The following STARD13 variants were observed in gnomAD, a reference collection of about 807,000 sequenced individuals.
The protein encoded by STARD13 is stAR-related lipid transfer protein 13.
A neutral mutation model predicts 106.4 loss-of-function variants in STARD13; 62 were observed. The ratio of observed to expected loss-of-function variants is 0.58; its 90% CI spans 0.48 to 0.72. STARD13 has a LOEUF of 0.72. Among genes scored for constraint, STARD13 ranks in the 30% least tolerant of loss-of-function variants. The pLI, the probability that STARD13 is intolerant of heterozygous loss-of-function variation, is 0.00. For synonymous variants in STARD13, 565 were observed against 553.0 expected (o/e 1.02, Z -0.31); for missense variants, 1,387 against 1,424.0 (o/e 0.97, Z 0.42).
intron 1 of STARD13, among the ~76,000 whole-genome samples, chr13:33,308,005 T>C (rs1207533565): frequency 6.6e-6 from 1 of 152,200 alleles, no homozygotes; most frequent in African/African-American, 2.4e-5. Context: ...CATTGTTTCA[T>C]TCCATCATTG....
the STARD13 span, among the ~76,000 whole-genome samples, chr13:33,535,131 C>T: frequency 6.6e-6 from 1 of 152,040 alleles, no homozygotes; most frequent in Non-Finnish European, 1.5e-5. Context: ...TGGAAAATCG[C>T]TTGAACCCAG....
At chr13:33,470,763 A>G in the STARD13 span, among the ~76,000 whole-genome samples, 149 of 152,002 alleles carry the variant, frequency 9.8e-4, no homozygotes, top group Middle Eastern at 3.4e-3. Flanking sequence ...CCACTTTTTG[A>G]TGGGGTTGTT....
intron 1 of STARD13, among the ~76,000 whole-genome samples, chr13:33,211,893 CAT>C (rs1422857419): frequency 1.3e-5 from 2 of 151,882 alleles, no homozygotes; most frequent in Non-Finnish European, 2.9e-5. Context: ...AAAATATACA[CAT>C]ATGTCTATAC....
the STARD13 span, among the ~76,000 whole-genome samples, chr13:33,519,234 T>C: frequency 6.8e-4 from 102 of 150,658 alleles, 1 homozygote; most frequent in East Asian, 4.7e-3. Flanking sequence ...CTTTCTTTCT[T>C]TCTTTCTTTC....
At chr13:33,180,050 G>T (rs1181769283) in intron 1 of STARD13, among the ~76,000 whole-genome samples, 1 of 152,204 alleles carries the variant, frequency 6.6e-6, no homozygotes, top group African/African-American at 2.4e-5. Context: ...TATCTAACAT[G>T]CAATTCATTT....
At chr13:33,536,276 T>G in the STARD13 span, among the ~76,000 whole-genome samples, 1 of 152,208 alleles carries the variant, frequency 6.6e-6, no homozygotes, top group Non-Finnish European at 1.5e-5. Flanking sequence ...AGCCAGGAAT[T>G]TATGAAATTT....
At chr13:33,471,514 A>G in the STARD13 span, among the ~76,000 whole-genome samples, 1 of 152,178 alleles carries the variant, frequency 6.6e-6, no homozygotes, top group African/African-American at 2.4e-5. Flanking sequence ...GGGAAGGAAT[A>G]CCTAATACTC....
At chr13:33,498,727 T>C in the STARD13 span, among the ~76,000 whole-genome samples, 1 of 152,238 alleles carries the variant, frequency 6.6e-6, no homozygotes, top group South Asian at 2.1e-4. Flanking sequence ...CATTCAGCTA[T>C]GATCCAAGTT....
At chr13:33,517,916 G>A in the STARD13 span, among the ~76,000 whole-genome samples, 3 of 151,618 alleles carry the variant, frequency 2.0e-5, no homozygotes, top group Admixed American at 6.6e-5. Context: ...CTGTCTCTGT[G>A]TCCTGTCTAC....
At chr13:33,470,911 A>C in the STARD13 span, among the ~76,000 whole-genome samples, 1 of 152,122 alleles carries the variant, frequency 6.6e-6, no homozygotes, top group Non-Finnish European at 1.5e-5. Context: ...TTTGGTGTGC[A>C]GAAGCTCTTT....
the STARD13 span, among the ~76,000 whole-genome samples, chr13:33,417,686 T>C: frequency 6.6e-6 from 1 of 152,124 alleles, no homozygotes; most frequent in Non-Finnish European, 1.5e-5. Context: ...TACTGTACGA[T>C]CCTGTTTATA....
the STARD13 span, among the ~76,000 whole-genome samples, chr13:33,642,941 T>C: frequency 0.11 from 16,437 of 151,094 alleles, 1,953 homozygotes; most frequent in African/African-American, 0.26. Flanking sequence ...GGTGAACTCA[T>C]ACACAAGGAC....
chr13:33,319,249 T>C (rs886689625), intron 1 of STARD13, among the ~76,000 whole-genome samples: 4 of 152,216 alleles, frequency 2.6e-5, no homozygotes, highest in South Asian at 2.1e-4. Context: ...TGTTACAATA[T>C]GGATGGACCT....
chr13:33,350,604 C>T, exon 1 of STARD13: 1 of 1,382,564 alleles, frequency 7.2e-7, no homozygotes, highest in South Asian at 1.6e-5. Context: ...GGATGCCTGG[C>T]CACCAGAAAC....
At chr13:33,316,948 T>A (rs968827043) in intron 1 of STARD13, among the ~76,000 whole-genome samples, 3 of 152,174 alleles carry the variant, frequency 2.0e-5, no homozygotes, top group Admixed American at 1.3e-4. Context: ...TTTTGACACT[T>A]GTGATCAGTC....
intron 4 of STARD13, among the ~76,000 whole-genome samples, chr13:33,139,757 T>C (rs528879783): frequency 4.3e-4 from 66 of 152,180 alleles, no homozygotes; most frequent in Middle Eastern, 3.4e-3. Flanking sequence ...CATTTTTTTT[T>C]CTATTTTTTC....
At chr13:33,345,628 A>C (rs192099578), downstream of STARD13, among the ~76,000 whole-genome samples, 2 of 152,340 alleles carry the variant, frequency 1.3e-5, no homozygotes, top group East Asian at 3.9e-4. Flanking sequence ...TGCATGGACA[A>C]CAATTCCACA....
the STARD13 span, among the ~76,000 whole-genome samples, chr13:33,490,747 G>A: frequency 6.6e-6 from 1 of 152,202 alleles, no homozygotes; most frequent in East Asian, 1.9e-4. Flanking sequence ...AAGAGCTCGG[G>A]ATACAGGAAG....
the STARD13 span, chr13:33,659,930 T>A: frequency 6.6e-6 from 1 of 152,258 alleles, no homozygotes; most frequent in South Asian, 2.1e-4. Flanking sequence ...AAATCTTGAT[T>A]ACTCATGGGC....
Sources: allele counts gnomAD v4.1 joint callset (sites outside exome capture counted in the v4.1 genomes callset), GRCh38; gene constraint gnomAD v4.1.1; transcripts MANE v1.5; gene names NCBI Gene and HGNC (gene_info 2026-07-23, HGNC 2026-07-21).